Variants in SPTBN1 observed in about 807,000 individuals in gnomAD.
SPTBN1 encodes the protein spectrin beta, non-erythrocytic 1, also known as spectrin beta chain, non-erythrocytic 1.
Under a neutral mutation model 266.4 loss-of-function variants are expected in SPTBN1, and 32 were observed. That is an observed-to-expected ratio of 0.12 (90% confidence interval 0.09 to 0.16). The LOEUF (loss-of-function observed/expected upper bound fraction) is 0.16. SPTBN1 is among the 10% of genes least tolerant of loss of function. The pLI, the probability that SPTBN1 is intolerant of heterozygous loss-of-function variation, is 1.00. For missense variants in SPTBN1, 2,296 were observed against 3,067.1 expected (o/e 0.75, Z 5.94); for synonymous variants, 1,336 against 1,162.2 (o/e 1.15, Z -3.04).
At position 54,665,937 on chromosome 2, in the gene SPTBN1, G is replaced by A; in HGVS notation, c.6682G>A (p.Val2228Ile). 1 of 1,613,750 alleles carries A rather than the reference G, an allele frequency of 6.2e-7. No individual in the cohort carries two copies. The highest frequency in any genetic ancestry group is 8.5e-7 in the Non-Finnish European group (1 of 1,179,898). Residue 2228 changes from valine (V) to isoleucine (I), a missense_variant, in exon 34 of 36, where the codon GTC (valine) becomes ATC (isoleucine). Physicochemically the swap from Val to Ile is conservative, Grantham distance 29. Around this residue, in one of 12 missense-constraint regions of SPTBN1, gnomAD observed 347 missense variants for 368.5 expected, o/e 0.94. Coordinates refer to ENST00000356805, the MANE Select transcript of SPTBN1 (RefSeq NM_003128.3). Reference sequence around the variant, plus strand: ...CAGGTCCTGGCACAATGTTTATTGTGTCATAAATAACCAAGAAATGGGTTT... The same window carrying A: ...CAGGTCCTGGCACAATGTTTATTGTATCATAAATAACCAAGAAATGGGTTT... Reference protein sequence around the residue: ...SSRSWHNVYCVINNQEMGFYK... With the variant: ...SSRSWHNVYCIINNQEMGFYK...
intron 1 of SPTBN1, among the ~76,000 whole-genome samples, chr2:54,481,415 T>TGA (rs1668094362): frequency 6.6e-6 from 1 of 150,780 alleles, no homozygotes; most frequent in Non-Finnish European, 1.5e-5. Context: ...TGTGTGTGTG[T>TGA]GTGTGTGTGT....
At chr2:54,544,863 G>A (rs922408362) in intron 2 of SPTBN1, among the ~76,000 whole-genome samples, 1 of 152,002 alleles carries the variant, frequency 6.6e-6, no homozygotes, top group Admixed American at 6.6e-5. Context: ...TGCCATGTTG[G>A]TTTGCTGCAC....
chr2:54,660,030 T>C (rs762381053), intron 32 of SPTBN1, 31 bp downstream of exon 32: 1 of 1,614,200 alleles, frequency 6.2e-7, no homozygotes, highest in Non-Finnish European at 8.5e-7. Flanking sequence ...CTACCAAAAC[T>C]ACAAAAACTT....
rs1352588597 is a variant in SPTBN1 at position 54,563,654 on chromosome 2, A to G, written c.149-35438A>G. Among the ~76,000 whole-genome samples the G allele has an allele frequency of 5.4e-5, 6 of 111,476 alleles. No homozygotes were observed. In the Admixed American group the frequency reaches 7.2e-4, roughly 13 times the overall value. 73.1% of individuals were successfully genotyped at this position (111,476 alleles called of 152,430 possible). ...GGTCTCACCCTGTCGCTCAGGCTGG[A>G]GTGCAGTGGCGCGATCTCGGCTCAC... On this transcript the variant is annotated intron_variant, in intron 2 of 35. Transcript: ENST00000356805.
rs187102451 is a variant in SPTBN1, at chr2:54,595,251, G to T, written c.149-3841G>T. Among the ~76,000 whole-genome samples, 3 of 152,304 alleles carry T rather than the reference G, an allele frequency of 2.0e-5. No individual in the cohort carries two copies. The East Asian group carries it at 5.8e-4, about 29-fold the overall frequency. The stretch of plus-strand genomic sequence containing the variant: ...TGTGCACTTTACCTCCTCTTGTTTG[G>T]TGCTGGGCAGTCTTTAGATGAGTCC... On this transcript the variant is annotated intron_variant, in intron 2 of 35. Coordinates refer to ENST00000356805, the MANE Select transcript of SPTBN1 (RefSeq NM_003128.3).
At chr2:54,462,197 A>G (rs765663142) in intron 1 of SPTBN1, among the ~76,000 whole-genome samples, 1 of 152,342 alleles carries the variant, frequency 6.6e-6, no homozygotes, top group East Asian at 1.9e-4. Flanking sequence ...TATTTAGTTG[A>G]TAACAGTTGT....
chr2:54,562,023 CCT>C (rs1274595273), intron 2 of SPTBN1, among the ~76,000 whole-genome samples: 2 of 152,112 alleles, frequency 1.3e-5, no homozygotes, highest in Non-Finnish European at 2.9e-5. Context: ...CCCACCCCTT[CCT>C]CTTTTTCTTT....
rs1672979454 is a variant in SPTBN1, at chr2:54,557,852, G to A, written c.148+31286G>A. 3 of 985,286 alleles carry A rather than the reference G, an allele frequency of 3.0e-6. No homozygotes were observed. In the South Asian group the frequency reaches 1.4e-4, roughly 46 times the overall value. The allele number at this position is 985,286 out of a possible 1,614,324, so 61.0% of individuals were successfully genotyped here. ...TTACACCTCCCCTGGCTGTGGCGCT[G>A]CACAGCGCCCTGAGAGTGACTTTGT... is the stretch of plus-strand genomic sequence containing the variant. On this transcript the variant is annotated intron_variant, in intron 2 of 35. Coordinates refer to ENST00000356805, the MANE Select transcript of SPTBN1 (RefSeq NM_003128.3).
intron 12 of SPTBN1, among the ~76,000 whole-genome samples, chr2:54,627,874 T>C (rs1678460032): frequency 6.6e-6 from 1 of 150,962 alleles, no homozygotes; most frequent in Non-Finnish European, 1.5e-5. Flanking sequence ...ATTCCAAGTT[T>C]GGTGATCCTT....
At chr2:54,523,970 T>A (rs568301572) in intron 1 of SPTBN1, among the ~76,000 whole-genome samples, 1 of 152,130 alleles carries the variant, frequency 6.6e-6, no homozygotes, top group South Asian at 2.1e-4. Flanking sequence ...GAGGCCAAGG[T>A]GGGCAGATCA....
intron 1 of SPTBN1, among the ~76,000 whole-genome samples, chr2:54,504,462 T>G (rs950313531): frequency 1.3e-5 from 2 of 152,108 alleles, no homozygotes; most frequent in African/African-American, 4.8e-5. Flanking sequence ...CAACCATGGA[T>G]AGAAAATATT....
At chr2:54,497,533 A>G (rs886904661) in intron 1 of SPTBN1, among the ~76,000 whole-genome samples, 4 of 152,210 alleles carry the variant, frequency 2.6e-5, no homozygotes, top group African/African-American at 2.4e-5. Flanking sequence ...ATTTGAATTC[A>G]CATGTTACTG....
rs150630405 is a variant in SPTBN1 at position 54,668,474 on chromosome 2, G to A, written c.7000G>A (p.Val2334Ile). The change falls in exon 36 of 36, where the codon GTC (valine) becomes ATC (isoleucine). Residue 2334 changes from valine to isoleucine, a missense_variant. Coordinates refer to ENST00000356805, the MANE Select transcript of SPTBN1 (RefSeq NM_003128.3). ...SRAQTLPTSV[V>I]TITSESSPGK... is the part of the protein sequence containing the mutation. The stretch of plus-strand genomic sequence containing the variant: ...CGCGCAGACCCTCCCCACCAGCGTC[G>A]TCACCATCACCAGCGAGTCCAGTCC... The A allele has an allele frequency of 3.8e-5, 62 of 1,614,170 alleles. No individual in the cohort carries two copies. Among genetic ancestry groups the A allele is most frequent in the Admixed American group, 2.5e-4 (15 of 60,024 alleles).
chr2:54,522,658 A>AAGAGAAAGAG (rs1553439360), intron 1 of SPTBN1, among the ~76,000 whole-genome samples: 2 of 81,870 alleles, frequency 2.4e-5, no homozygotes, highest in African/African-American at 4.3e-5. Flanking sequence ...GAGAGAGAGA[A>AAGAGAAAGAG]AGAGAGAGAG....
chr2:54,648,606 G>C (rs940085870), intron 24 of SPTBN1, among the ~76,000 whole-genome samples: 1 of 152,154 alleles, frequency 6.6e-6, no homozygotes, highest in Non-Finnish European at 1.5e-5. Flanking sequence ...GGAAGATTTT[G>C]CATTAACTTT....
At chr2:54,668,257 C>G in intron 35 of SPTBN1, 94 bp from the exon 36 acceptor site, 1 of 1,196,310 alleles carries the variant, frequency 8.4e-7, no homozygotes. Context: ...GCTTACCCCT[C>G]AGTTGGCCAG....
At chr2:54,482,112 A>G (rs1573237726) in intron 1 of SPTBN1, among the ~76,000 whole-genome samples, 1 of 152,288 alleles carries the variant, frequency 6.6e-6, no homozygotes, top group East Asian at 1.9e-4. Context: ...TGGTGTTTGA[A>G]GTGCCTGGTC....
intron 3 of SPTBN1, among the ~76,000 whole-genome samples, chr2:54,606,002 C>T (rs1676816210): frequency 6.6e-6 from 1 of 152,214 alleles, no homozygotes; most frequent in Admixed American, 6.5e-5. Flanking sequence ...CTCCCACACC[C>T]TGGACCCCAT....
At chr2:54,466,160 TGTTA>T (rs1303524141) in intron 1 of SPTBN1, among the ~76,000 whole-genome samples, 1 of 152,232 alleles carries the variant, frequency 6.6e-6, no homozygotes, top group African/African-American at 2.4e-5. Context: ...GAGAATGCCC[TGTTA>T]GTTCTGATTT....
Sources: allele counts gnomAD v4.1 joint callset (sites outside exome capture counted in the v4.1 genomes callset), GRCh38; gene constraint gnomAD v4.1.1; regional missense constraint gnomAD v4.1.1; transcripts MANE v1.5; gene names NCBI Gene and HGNC (gene_info 2026-07-23, HGNC 2026-07-21).